The following UBXN2A variants were observed in gnomAD, a reference collection of about 807,000 sequenced individuals.
The protein encoded by UBXN2A is UBX domain-containing protein 2A.
A neutral mutation model predicts 28.4 loss-of-function variants in UBXN2A; 28 were observed. The observed-to-expected ratio is 0.99, with a 90% CI of 0.73 to 1.35. The LOEUF (loss-of-function observed/expected upper bound fraction) is 1.35. Among genes scored for constraint, UBXN2A ranks in the 40% most tolerant of loss-of-function variants. The pLI, the probability that UBXN2A is intolerant of heterozygous loss-of-function variation, is 0.00. For missense variants in UBXN2A, 253 were observed against 297.9 expected (o/e 0.85, Z 1.11); for synonymous variants, 97 against 103.6 (o/e 0.94, Z 0.39).
intron 1 of UBXN2A, among the ~76,000 whole-genome samples, chr2:23,956,127 G>A (rs1320350851): frequency 6.6e-6 from 1 of 151,544 alleles, no homozygotes; most frequent in Non-Finnish European, 1.5e-5. Flanking sequence ...GCCTCCCAAA[G>A]TGCTGGGAGT....
intron 1 of UBXN2A, among the ~76,000 whole-genome samples, chr2:23,947,358 A>G (rs568667310): frequency 2.5e-4 from 38 of 152,202 alleles, no homozygotes; most frequent in South Asian, 4.1e-4. Flanking sequence ...AAACTGTGAT[A>G]TGCTATATCA....
chr2:23,959,468 G>T (rs1706798327), intron 2 of UBXN2A, among the ~76,000 whole-genome samples: 1 of 151,714 alleles, frequency 6.6e-6, no homozygotes, highest in South Asian at 2.1e-4. Flanking sequence ...CTCCAGCCTG[G>T]GTGACAGAGC....
intron 1 of UBXN2A, among the ~76,000 whole-genome samples, chr2:23,947,944 TC>T (rs1407995738): frequency 6.6e-6 from 1 of 152,072 alleles, no homozygotes; most frequent in African/African-American, 2.4e-5. Flanking sequence ...AACCTCCTCC[TC>T]CCAGCTTCAA....
intron 3 of UBXN2A, among the ~76,000 whole-genome samples, chr2:23,975,586 A>C (rs1208798296): frequency 6.6e-6 from 1 of 152,096 alleles, no homozygotes; most frequent in East Asian, 1.9e-4. Flanking sequence ...TATGTTGAAA[A>C]AAGGCTTATG....
chr2:23,944,397 A>G (rs75046532), intron 1 of UBXN2A: 171,255 of 1,300,046 alleles, frequency 0.13, 12,725 homozygotes, highest in Middle Eastern at 0.2. Context: ...TATTGTATTC[A>G]CCCATCTTTC....
upstream of UBXN2A, among the ~76,000 whole-genome samples, chr2:23,938,489 A>G (rs749236654): frequency 1.3e-5 from 2 of 151,896 alleles, no homozygotes; most frequent in Non-Finnish European, 2.9e-5. Context: ...GAAGGTATCA[A>G]TACTCCTCAA....
intron 6 of UBXN2A, 22 bp from the exon 7 acceptor site, chr2:23,999,650 A>G (rs763648716): frequency 6.3e-7 from 1 of 1,584,976 alleles, no homozygotes; most frequent in Non-Finnish European, 8.5e-7. Context: ...AAATTATATT[A>G]ATAGTTTTTG....
intron 6 of UBXN2A, among the ~76,000 whole-genome samples, chr2:23,990,583 G>A (rs1708317425): frequency 6.6e-6 from 1 of 151,686 alleles, no homozygotes; most frequent in Non-Finnish European, 1.5e-5. Flanking sequence ...AGACCAACCT[G>A]GCCAACATGG....
At chr2:23,995,902 A>C (rs185949042) in intron 6 of UBXN2A, among the ~76,000 whole-genome samples, 1 of 151,786 alleles carries the variant, frequency 6.6e-6, no homozygotes, top group Non-Finnish European at 1.5e-5. Flanking sequence ...TTTTTTATTT[A>C]TTTGTTTTTT....
Position 23,983,026 on chromosome 2 carries a change from C to A in UBXN2A, c.418C>A (p.Leu140Ile), listed in dbSNP as rs760777704. 6.3e-7 allele frequency: 1 copy of A among 1,595,970 alleles called. No individual in the cohort carries two copies. Among genetic ancestry groups the A allele is most frequent in the Non-Finnish European group, 8.5e-7 (1 of 1,172,244 alleles). The part of the protein sequence containing the change: ...FQPFSGQGHR[L>I]GSATPKIVSK... Reference sequence around the variant, plus strand: ...GCCCTTTTCAGGACAGGGTCACAGACTAGGAAGGTAAATATGCCTATTGTC... The same window carrying A: ...GCCCTTTTCAGGACAGGGTCACAGAATAGGAAGGTAAATATGCCTATTGTC... Residue 140 changes from leucine (L) to isoleucine (I), a missense_variant, in exon 5 of 7, where the codon CTA becomes ATA. Physicochemically the swap from Leu to Ile is conservative, Grantham distance 5. Transcript: ENST00000309033.
rs373436535 is a variant in UBXN2A, at chr2:23,971,281, G to C, written c.47G>C (p.Cys16Ser). 8 of 1,554,300 alleles carry C rather than the reference G, an allele frequency of 5.1e-6. No individual in the cohort carries two copies. Among genetic ancestry groups the C allele is most frequent in the Non-Finnish European group, 7.0e-6 (8 of 1,140,176 alleles). ...NLKSIKEEWVCETGSDNQPLG... is the reference protein window; with the variant it reads ...NLKSIKEEWVSETGSDNQPLG... ...TTTTTCTTTATCTTGTTTAGGGTTT[G>C]TGAAACAGGATCTGATAATCAACCT... The change falls in exon 3 of 7, where the codon TGT becomes TCT. Residue 16 changes from cysteine (C) to serine (S), a missense_variant. Cys to Ser is a moderately radical substitution (Grantham distance 112, BLOSUM62 -1). Coordinates refer to ENST00000309033, the MANE Select transcript of UBXN2A (RefSeq NM_181713.4).
chr2:23,930,781 G>C (rs1169488718), intron 1 of UBXN2A, among the ~76,000 whole-genome samples: 1 of 152,100 alleles, frequency 6.6e-6, no homozygotes, highest in Non-Finnish European at 1.5e-5. Context: ...AATTTAGAGA[G>C]GCCAAGGTAG....
intron 6 of UBXN2A, among the ~76,000 whole-genome samples, chr2:23,993,412 TATATA>T (rs1708421334): frequency 6.6e-6 from 1 of 152,120 alleles, no homozygotes; most frequent in Non-Finnish European, 1.5e-5. Flanking sequence ...CTGTTTTAAA[TATATA>T]ATATATTTTG....
intron 4 of UBXN2A, among the ~76,000 whole-genome samples, chr2:23,978,410 G>A (rs1001543735): frequency 5.3e-5 from 8 of 152,110 alleles, no homozygotes; most frequent in Non-Finnish European, 7.4e-5. Context: ...TTGGGAGGCC[G>A]AGGCGTGCAG....
Position 24,001,034 on chromosome 2 carries a change from C to G in UBXN2A, c.*1167C>G, listed in dbSNP as rs1708716443. ...GAGATGGAGTTTCGCTCTTGTTGCC[C>G]AGGCTGGAGTGCAGTGGCGCAATCT... On this transcript the variant is annotated 3_prime_UTR_variant, in exon 7 of 7. Transcript: ENST00000309033. 6.6e-6 allele frequency: 1 copy of G among 152,206 alleles called. No homozygotes were observed. Among genetic ancestry groups the G allele is most frequent in the African/African-American group, 2.4e-5 (1 of 41,420 alleles). The allele number at this position is 152,206 out of a possible 1,614,324, so 9.4% of individuals were successfully genotyped here. A position where few individuals can be genotyped will look rare whatever the true frequency, so the allele number is the denominator to read the frequency against.
chr2:23,951,701 T>TC (rs1285845051), intron 1 of UBXN2A, among the ~76,000 whole-genome samples: 1 of 151,742 alleles, frequency 6.6e-6, no homozygotes, highest in Non-Finnish European at 1.5e-5. Context: ...CCTGAAGTGA[T>TC]CCCCCTGCCT....
intron 2 of UBXN2A, among the ~76,000 whole-genome samples, chr2:23,959,191 A>G (rs1487808303): frequency 6.6e-6 from 1 of 152,120 alleles, no homozygotes; most frequent in Non-Finnish European, 1.5e-5. Context: ...GATGCTAATT[A>G]TATAATTGTG....
chr2:23,984,961 GCA>G, intron 6 of UBXN2A, 130 bp downstream of exon 6: 1 of 951,456 alleles, frequency 1.1e-6, no homozygotes, highest in Non-Finnish European at 1.5e-6. Flanking sequence ...GAGTGCAGTG[GCA>G]CAGTCATAGC....
At chr2:23,943,489 A>T (rs1171613945) in intron 1 of UBXN2A, among the ~76,000 whole-genome samples, 2 of 152,050 alleles carry the variant, frequency 1.3e-5, no homozygotes, top group Admixed American at 1.3e-4. Flanking sequence ...GTATGTATGT[A>T]TGTTTTTATT....
Sources: gnomAD v4.1 joint callset for allele counts (sites outside exome capture counted in the v4.1 genomes callset) on GRCh38, gnomAD v4.1.1 for gene constraint, MANE v1.5 for transcripts, NCBI Gene and HGNC (gene_info 2026-07-23, HGNC 2026-07-21) for gene names.